ANKS1B: variants seen among roughly 807,000 people sequenced by gnomAD.
ANKS1B encodes the protein ankyrin repeat and sterile alpha motif domain-containing protein 1B.
Under a neutral mutation model 148.3 loss-of-function variants are expected in ANKS1B, and 36 were observed. The ratio of observed to expected loss-of-function variants is 0.24; its 90% CI spans 0.19 to 0.32. The LOEUF is 0.32. Ranked by LOEUF, ANKS1B falls within the 10% of genes least tolerant of loss-of-function variation. The pLI, the probability that ANKS1B is intolerant of heterozygous loss-of-function variation, is 1.00. For missense variants in ANKS1B, 1,157 were observed against 1,542.6 expected (o/e 0.75, Z 4.19); for synonymous variants, 542 against 560.8 (o/e 0.97, Z 0.47).
At chr12:98,853,934 G>A (rs1007494617) in intron 17 of ANKS1B, among the ~76,000 whole-genome samples, 1 of 152,116 alleles carries the variant, frequency 6.6e-6, no homozygotes, top group African/African-American at 2.4e-5. Context: ...CTCAGCACTC[G>A]GGGGCTGTTG....
intron 12 of ANKS1B, among the ~76,000 whole-genome samples, chr12:99,397,304 T>C (rs1387071674): frequency 1.3e-5 from 2 of 152,152 alleles, no homozygotes; most frequent in African/African-American, 2.4e-5. Context: ...TCTAATTCTA[T>C]AGTAAGAAAA....
chr12:99,357,658 A>G (rs1273709891), intron 12 of ANKS1B, among the ~76,000 whole-genome samples: 1 of 152,160 alleles, frequency 6.6e-6, no homozygotes, highest in East Asian at 1.9e-4. Context: ...GCCTACTATT[A>G]TGTCCCTAAC....
At chr12:99,795,131 TA>T (rs1005591613) in intron 4 of ANKS1B, among the ~76,000 whole-genome samples, 2 of 151,862 alleles carry the variant, frequency 1.3e-5, no homozygotes, top group African/African-American at 4.8e-5. Context: ...AGGTAAATAA[TA>T]GTCAGTGGCT....
chr12:99,305,479 G>C (rs951644326), intron 12 of ANKS1B, among the ~76,000 whole-genome samples: 1 of 152,032 alleles, frequency 6.6e-6, no homozygotes, highest in Non-Finnish European at 1.5e-5. Context: ...TCTAGCAATA[G>C]GATAGAGGAT....
rs1324360546 is a variant in ANKS1B, at chr12:99,242,954, AG to A, written c.2419+1387del. On this transcript the variant is annotated intron_variant, in intron 14 of 26. Coordinates refer to ENST00000683438, the MANE Select transcript of ANKS1B (RefSeq NM_001352186.2). ...CCATAAAAATCCTAGAAGAAAACCT[AG>A]GCAATACCATTCAGGACATAGGCAT... Among the ~76,000 whole-genome samples, 3 of 152,224 alleles carry A rather than the reference AG, an allele frequency of 2.0e-5. No individual in the cohort carries two copies. The East Asian group carries it at 5.8e-4, about 29-fold the overall frequency.
Position 99,393,155 on chromosome 12 carries a change from A to G in ANKS1B, c.1756+6476T>C, listed in dbSNP as rs186456645. Among the ~76,000 whole-genome samples, 398 of 148,874 alleles carry G rather than the reference A, an allele frequency of 2.7e-3. 4 individuals are homozygous for G. The highest frequency in any genetic ancestry group is 8.7e-3 in the African/African-American group (345 of 39,448). On this transcript the variant is annotated intron_variant, in intron 12 of 26. Coordinates refer to ENST00000683438, the MANE Select transcript of ANKS1B (RefSeq NM_001352186.2). Reference sequence around the variant, plus strand: ...ACAGATAGATCTACCTTTAACATAGATCCAGAATTCTACCACTCCTCACCA... The same window carrying G: ...ACAGATAGATCTACCTTTAACATAGGTCCAGAATTCTACCACTCCTCACCA...
At chr12:99,305,915 A>C (rs2082276991) in intron 12 of ANKS1B, among the ~76,000 whole-genome samples, 1 of 152,178 alleles carries the variant, frequency 6.6e-6, no homozygotes. Context: ...CATAAATGGT[A>C]AAATGTCCTC....
intron 9 of ANKS1B, among the ~76,000 whole-genome samples, chr12:99,593,002 T>G (rs2153254711): frequency 6.6e-6 from 1 of 152,242 alleles, no homozygotes; most frequent in African/African-American, 2.4e-5. Flanking sequence ...ATGATAAGGG[T>G]TTATGGAGAC....
At chr12:99,620,024 T>A (rs1050986027) in intron 9 of ANKS1B, among the ~76,000 whole-genome samples, 4 of 152,172 alleles carry the variant, frequency 2.6e-5, no homozygotes, top group Non-Finnish European at 5.9e-5. Context: ...TACACCCAGC[T>A]ACGGTGGCCT....
intron 8 of ANKS1B, among the ~76,000 whole-genome samples, chr12:99,732,253 A>T (rs1208288795): frequency 6.6e-6 from 1 of 152,218 alleles, no homozygotes; most frequent in Non-Finnish European, 1.5e-5. Flanking sequence ...CAATTTCTCC[A>T]AAAGTTAAAC....
chr12:98,773,177 G>A lies in ANKS1B; in HGVS notation c.3444C>T (p.Asn1148=), dbSNP rs770001743. 6 of 1,605,090 alleles carry A rather than the reference G, an allele frequency of 3.7e-6. No individual in the cohort carries two copies. Among genetic ancestry groups the A allele is most frequent in the Non-Finnish European group, 5.1e-6 (6 of 1,176,032 alleles). Residue 1148 remains asparagine, a splice_region_variant and synonymous_variant, in exon 25 of 27, where the codon AAC becomes AAT. Transcript: ENST00000683438. ...GVKFIDATNK[N]IIAEHEIRNI... ...TACGAATTTCATGCTCAGCAATTAT[G>A]TTCTGGAAGAAATGACATAAATGAT...
intron 9 of ANKS1B, among the ~76,000 whole-genome samples, chr12:99,544,804 C>T (rs1303621445): frequency 6.6e-6 from 1 of 152,176 alleles, no homozygotes; most frequent in Non-Finnish European, 1.5e-5. Flanking sequence ...TGGTCCCATG[C>T]TGATAACCTT....
chr12:99,441,579 T>C (rs1028750399), intron 11 of ANKS1B, among the ~76,000 whole-genome samples: 3 of 151,972 alleles, frequency 2.0e-5, no homozygotes, highest in Admixed American at 6.6e-5. Context: ...AGAAAGAAAA[T>C]ATATAGATAT....
chr12:99,960,915 C>T (rs907690066), intron 1 of ANKS1B, among the ~76,000 whole-genome samples: 1 of 152,048 alleles, frequency 6.6e-6, no homozygotes, highest in Non-Finnish European at 1.5e-5. Context: ...AACTGCATCA[C>T]ACAGTATTTT....
chr12:99,886,506 T>C (rs898539223), intron 1 of ANKS1B, among the ~76,000 whole-genome samples: 1 of 152,192 alleles, frequency 6.6e-6, no homozygotes, highest in African/African-American at 2.4e-5. Context: ...TATCTTAATG[T>C]TTTTATCTTC....
At chr12:99,088,838 GTTTT>G (rs386377539) in intron 15 of ANKS1B, among the ~76,000 whole-genome samples, 7 of 69,848 alleles carry the variant, frequency 1.0e-4, no homozygotes, top group East Asian at 5.0e-4. Context: ...TTTAACTTCT[GTTTT>G]TTTTTTTTTT....
At chr12:98,819,100 A>G (rs2099164477) in intron 19 of ANKS1B, among the ~76,000 whole-genome samples, 1 of 152,236 alleles carries the variant, frequency 6.6e-6, no homozygotes, top group Non-Finnish European at 1.5e-5. Flanking sequence ...CACATTACAT[A>G]GTTGAAAAGG....
chr12:99,431,920 G>C (rs1264915188), intron 11 of ANKS1B, among the ~76,000 whole-genome samples: 1 of 152,094 alleles, frequency 6.6e-6, no homozygotes, highest in Non-Finnish European at 1.5e-5. Flanking sequence ...AGGGTATTTG[G>C]GTCAAGAGGA....
intron 17 of ANKS1B, among the ~76,000 whole-genome samples, chr12:99,044,480 C>T (rs2099961044): frequency 6.6e-6 from 1 of 152,126 alleles, no homozygotes; most frequent in African/African-American, 2.4e-5. Flanking sequence ...AATGTTATCT[C>T]CTGGGCATAC....
Sources: allele counts gnomAD v4.1 joint callset (sites outside exome capture counted in the v4.1 genomes callset), GRCh38; gene constraint gnomAD v4.1.1; transcripts MANE v1.5; gene names NCBI Gene and HGNC (gene_info 2026-07-23, HGNC 2026-07-21).